Variants in SAMSN1 observed in about 807,000 individuals in gnomAD.
The protein encoded by SAMSN1 is SAM domain, SH3 domain and nuclear localization signals 1.
In SAMSN1, 31 loss-of-function variants were observed where a neutral mutation model predicts 42.0. The observed-to-expected ratio is 0.74, with a 90% CI of 0.55 to 1.00. SAMSN1 has a LOEUF of 1.00. Among genes scored for constraint, SAMSN1 ranks in the 50% least tolerant of loss-of-function variants. The pLI, the probability that SAMSN1 is intolerant of heterozygous loss-of-function variation, is 0.00. For missense variants in SAMSN1, 464 were observed against 439.4 expected (o/e 1.06, Z -0.50); for synonymous variants, 178 against 151.9 (o/e 1.17, Z -1.26).
At chr21:14,516,271 C>T (rs1987913123) in intron 3 of SAMSN1, among the ~76,000 whole-genome samples, 1 of 152,150 alleles carries the variant, frequency 6.6e-6, no homozygotes, top group African/African-American at 2.4e-5. Context: ...TGTGATCCAT[C>T]TATAAAAGGA....
intron 1 of SAMSN1, among the ~76,000 whole-genome samples, chr21:14,545,528 A>T (rs1980333068): frequency 8.1e-6 from 1 of 124,102 alleles, no homozygotes; most frequent in Non-Finnish European, 1.7e-5. Flanking sequence ...ACTTTATCCC[A>T]TGTTATACTT....
intron 2 of SAMSN1, among the ~76,000 whole-genome samples, chr21:14,520,103 T>A (rs759576111): frequency 6.6e-6 from 1 of 152,230 alleles, no homozygotes; most frequent in Non-Finnish European, 1.5e-5. Flanking sequence ...GCATTGTGCT[T>A]ATTTCATCGT....
intron 1 of SAMSN1, among the ~76,000 whole-genome samples, chr21:14,650,824 T>A (rs902517001): frequency 6.6e-6 from 1 of 151,316 alleles, no homozygotes; most frequent in Non-Finnish European, 1.5e-5. Context: ...ATAAATAAAA[T>A]CAGAAAAGAA....
At chr21:14,625,358 T>G (rs1983138305) in intron 2 of SAMSN1, among the ~76,000 whole-genome samples, 2 of 152,226 alleles carry the variant, frequency 1.3e-5, no homozygotes, top group African/African-American at 4.8e-5. Flanking sequence ...GCAGATGACA[T>G]GATTGTATAT....
intron 1 of SAMSN1, among the ~76,000 whole-genome samples, chr21:14,530,077 G>A (rs1002840855): frequency 3.3e-5 from 5 of 152,178 alleles, no homozygotes; most frequent in African/African-American, 9.7e-5. Context: ...AGCACTTTGG[G>A]AGGCCAAGGC....
upstream of SAMSN1, among the ~76,000 whole-genome samples, chr21:14,550,364 C>T (rs1443963270): frequency 6.6e-6 from 1 of 152,088 alleles, no homozygotes; most frequent in Non-Finnish European, 1.5e-5. Context: ...AAAAGCTGTG[C>T]AGTGACTTTT....
At chr21:14,591,176 T>G (rs1237816147) in intron 7 of SAMSN1, 3 of 152,168 alleles carry the variant, frequency 2.0e-5, no homozygotes, top group Non-Finnish European at 2.9e-5. Flanking sequence ...TGATAGAAAC[T>G]GAACTTAAAC....
intron 1 of SAMSN1, among the ~76,000 whole-genome samples, chr21:14,525,936 C>A (rs1487278096): frequency 6.6e-6 from 1 of 152,142 alleles, no homozygotes; most frequent in Admixed American, 6.5e-5. Flanking sequence ...TCCATCTCGG[C>A]TCACTGCAAA....
chr21:14,630,681 G>A (rs993186279), intron 2 of SAMSN1, among the ~76,000 whole-genome samples: 1 of 152,158 alleles, frequency 6.6e-6, no homozygotes, highest in African/African-American at 2.4e-5. Flanking sequence ...CGTAATCTGT[G>A]TTTTACATAT....
intron 7 of SAMSN1, chr21:14,593,575 G>T: frequency 6.5e-6 from 1 of 152,692 alleles, no homozygotes; most frequent in Non-Finnish European, 1.5e-5. Context: ...TCATTCTATG[G>T]ACTATAATCC....
chr21:14,565,530 T>C lies in SAMSN1; in HGVS notation c.261+16606A>G, dbSNP rs1008263779. 3.9e-5 allele frequency among the ~76,000 whole-genome samples: 6 copies of C among 152,128 alleles called. No homozygotes were observed. In the East Asian group the frequency reaches 1.2e-3, roughly 29 times the overall value. On this transcript the variant is annotated intron_variant, in intron 2 of 8. Coordinates refer to the SAMSN1 transcript ENST00000285670. ...TTTTGTGATGCAGCTTTCTGAAATA[T>C]GTATTTGTTTCCTTTTAACATGGGT...
chr21:14,570,370 T>C (rs1981261248), intron 2 of SAMSN1, among the ~76,000 whole-genome samples: 2 of 152,176 alleles, frequency 1.3e-5, no homozygotes, highest in South Asian at 2.1e-4. Flanking sequence ...CCACTCTTTG[T>C]AGAAACAATG....
At chr21:14,644,939 A>G in intron 1 of SAMSN1, among the ~76,000 whole-genome samples, 1 of 152,150 alleles carries the variant, frequency 6.6e-6, no homozygotes, top group East Asian at 1.9e-4. Context: ...TCTGTCTTTA[A>G]AAACTGGAGA....
intron 2 of SAMSN1, among the ~76,000 whole-genome samples, chr21:14,556,686 G>A (rs2123188967): frequency 6.6e-6 from 1 of 152,302 alleles, no homozygotes; most frequent in East Asian, 1.9e-4. Context: ...GCCACAGTGA[G>A]GCATGCTGCC....
At chr21:14,589,598 G>A (rs997972695) in intron 7 of SAMSN1, among the ~76,000 whole-genome samples, 2 of 151,904 alleles carry the variant, frequency 1.3e-5, no homozygotes, top group African/African-American at 4.8e-5. Flanking sequence ...TGCTGGAAAG[G>A]CATTTAAAGC....
At chr21:14,609,589 G>C (rs1331536019) in intron 4 of SAMSN1, 8 of 717,398 alleles carry the variant, frequency 1.1e-5, no homozygotes, top group Non-Finnish European at 1.8e-5. Flanking sequence ...GCAGATAATT[G>C]GTTAGCAGAA....
intron 2 of SAMSN1, among the ~76,000 whole-genome samples, chr21:14,569,886 C>T (rs1981239633): frequency 1.3e-5 from 2 of 152,022 alleles, no homozygotes; most frequent in African/African-American, 4.8e-5. Context: ...ATCTAAATTT[C>T]TTGCAGATAG....
chr21:14,609,675 T>C, intron 4 of SAMSN1: 1 of 685,540 alleles, frequency 1.5e-6, no homozygotes, highest in South Asian at 1.6e-5. Flanking sequence ...TGCAACTTGG[T>C]AAGTGGTATC....
At chr21:14,529,401 G>A (rs1010289589) in intron 1 of SAMSN1, among the ~76,000 whole-genome samples, 22 of 152,300 alleles carry the variant, frequency 1.4e-4, no homozygotes, top group Middle Eastern at 3.4e-3. Flanking sequence ...TACTCTTCAA[G>A]TTAAATGTCA....
Sources: allele counts gnomAD v4.1 joint callset (sites outside exome capture counted in the v4.1 genomes callset), GRCh38; gene constraint gnomAD v4.1.1; transcripts MANE v1.5; gene names NCBI Gene and HGNC (gene_info 2026-07-23, HGNC 2026-07-21).